Variants in SCAI observed in about 807,000 individuals in gnomAD.
The protein encoded by SCAI is suppressor of cancer cell invasion.
Under a neutral mutation model 92.2 loss-of-function variants are expected in SCAI, and 24 were observed. The observed-to-expected ratio is 0.26, with a 90% CI of 0.19 to 0.37. The LOEUF (loss-of-function observed/expected upper bound fraction) is 0.37, where lower values mean the gene tolerates loss of function less well. Ranked by LOEUF, SCAI falls within the 10% of genes least tolerant of loss-of-function variation. SCAI has a pLI of 1.00. For synonymous variants in SCAI, 261 were observed against 258.6 expected (o/e 1.01, Z -0.09); for missense variants, 450 against 736.2 (o/e 0.61, Z 4.50).
chr9:125,069,246 A>T (rs1304304843), intron 2 of SCAI, among the ~76,000 whole-genome samples: 1 of 151,974 alleles, frequency 6.6e-6, no homozygotes, highest in Non-Finnish European at 1.5e-5. Flanking sequence ...AAACAAAAAA[A>T]TTTATTCTGA....
At chr9:125,022,111 T>C (rs957393166) in intron 6 of SCAI, among the ~76,000 whole-genome samples, 7 of 152,168 alleles carry the variant, frequency 4.6e-5, no homozygotes, top group African/African-American at 1.7e-4. Flanking sequence ...ATTTCTTGTC[T>C]TGATATATAA....
intron 14 of SCAI, among the ~76,000 whole-genome samples, chr9:124,989,336 C>T (rs150960466): frequency 3.4e-4 from 51 of 152,224 alleles, no homozygotes; most frequent in African/African-American, 1.1e-3. Context: ...TGGTGGCTCA[C>T]GTCTGTAACC....
intron 2 of SCAI, among the ~76,000 whole-genome samples, chr9:125,083,022 A>C (rs1000322095): frequency 6.6e-6 from 1 of 152,192 alleles, no homozygotes; most frequent in Non-Finnish European, 1.5e-5. Context: ...CCAGGGGCAG[A>C]ATAAGGTTTG....
Position 125,056,397 on chromosome 9 carries a change from C to T in SCAI, c.99-390G>A, listed in dbSNP as rs900395864. On this transcript the variant is annotated intron_variant, in intron 2 of 17. Coordinates refer to ENST00000336505, the MANE Select transcript of SCAI (RefSeq NM_001144877.3). Reference sequence around the variant, plus strand: ...AGCAGAATTGCTTGACCCAGGGAGGCGGAGGTTGCAGTGAGCCGAGACGTG... The same window carrying T: ...AGCAGAATTGCTTGACCCAGGGAGGTGGAGGTTGCAGTGAGCCGAGACGTG... 7.2e-5 allele frequency among the ~76,000 whole-genome samples: 11 copies of T among 152,146 alleles called. No homozygotes were observed. The East Asian group carries it at 7.7e-4, about 11-fold the overall frequency.
At chr9:125,026,764 G>C in intron 6 of SCAI, 48 bp downstream of exon 6, 1 of 958,778 alleles carries the variant, frequency 1.0e-6, no homozygotes, top group Non-Finnish European at 1.6e-6. Flanking sequence ...CGAAGATTAA[G>C]ACTGAATGTT....
At chr9:125,031,478 T>C (rs1376593074) in intron 3 of SCAI, among the ~76,000 whole-genome samples, 1 of 151,802 alleles carries the variant, frequency 6.6e-6, no homozygotes, top group African/African-American at 2.4e-5. Context: ...CTCGATCTCC[T>C]GATCTCCTGA....
At chr9:125,093,752 G>A (rs1259049649) in intron 2 of SCAI, among the ~76,000 whole-genome samples, 3 of 151,932 alleles carry the variant, frequency 2.0e-5, no homozygotes, top group African/African-American at 4.8e-5. Context: ...TTTTACTAGA[G>A]ACAGGGTTTC....
intron 1 of SCAI, 67 bp from the exon 2 acceptor site, chr9:125,142,744 G>A: frequency 1.4e-6 from 2 of 1,431,890 alleles, no homozygotes; most frequent in Non-Finnish European, 2.0e-6. Flanking sequence ...CGGCGCTACC[G>A]TGCCAGTCAA....
chr9:125,021,208 A>G (rs2810463), intron 6 of SCAI, among the ~76,000 whole-genome samples: 95,283 of 152,080 alleles, frequency 0.63, 30,163 homozygotes, highest in Admixed American at 0.66. Context: ...AAAGAAAGTA[A>G]TAAATGTTTA....
At chr9:125,028,706 G>T (rs944769345) in intron 4 of SCAI, among the ~76,000 whole-genome samples, 2 of 148,852 alleles carry the variant, frequency 1.3e-5, no homozygotes, top group Admixed American at 1.5e-4. Flanking sequence ...ATATATTTTA[G>T]AATGAAACCA....
chr9:125,105,579 C>T (rs1052780205), intron 2 of SCAI, among the ~76,000 whole-genome samples: 2 of 152,166 alleles, frequency 1.3e-5, no homozygotes, highest in Non-Finnish European at 2.9e-5. Flanking sequence ...TAATTCTGTA[C>T]AGTGTATCTG....
At chr9:125,127,096 G>C (rs1026038027) in intron 2 of SCAI, among the ~76,000 whole-genome samples, 9 of 152,098 alleles carry the variant, frequency 5.9e-5, no homozygotes, top group Non-Finnish European at 1.2e-4. Flanking sequence ...TCCACAAAAA[G>C]GGAACCTGCA....
intron 3 of SCAI, 60 bp downstream of exon 3, chr9:125,055,816 G>C: frequency 6.9e-7 from 1 of 1,449,706 alleles, no homozygotes; most frequent in Non-Finnish European, 9.2e-7. Context: ...CCACACATCA[G>C]CCAGAAAAAA....
intron 2 of SCAI, among the ~76,000 whole-genome samples, chr9:125,108,178 G>A (rs1264355923): frequency 1.3e-5 from 2 of 152,362 alleles, no homozygotes; most frequent in South Asian, 2.1e-4. Flanking sequence ...ATCTCAGCTC[G>A]CTACAACCTC....
intron 2 of SCAI, among the ~76,000 whole-genome samples, chr9:125,066,557 A>G (rs1833875219): frequency 6.6e-6 from 1 of 151,516 alleles, no homozygotes; most frequent in African/African-American, 2.4e-5. Flanking sequence ...CCGGGTTCAC[A>G]CCATTCTCCT....
intron 2 of SCAI, among the ~76,000 whole-genome samples, chr9:125,128,257 T>TG (rs1295979301): frequency 6.6e-6 from 1 of 151,882 alleles, no homozygotes; most frequent in African/African-American, 2.4e-5. Flanking sequence ...TTCAAGGTGC[T>TG]GTAAGCTGTG....
chr9:125,071,325 G>C (rs996433670), intron 2 of SCAI, among the ~76,000 whole-genome samples: 1 of 152,166 alleles, frequency 6.6e-6, no homozygotes, highest in Non-Finnish European at 1.5e-5. Context: ...CTTGAGCCCA[G>C]GAGTTCTAGG....
At chr9:124,992,666 G>A (rs1182737758) in intron 14 of SCAI, among the ~76,000 whole-genome samples, 1 of 152,164 alleles carries the variant, frequency 6.6e-6, no homozygotes, top group East Asian at 1.9e-4. Flanking sequence ...TTACAGGCAT[G>A]AGCCACTGCA....
intron 2 of SCAI, among the ~76,000 whole-genome samples, chr9:125,128,112 C>A (rs1191778220): frequency 7.9e-5 from 12 of 151,934 alleles, no homozygotes; most frequent in Non-Finnish European, 1.6e-4. Flanking sequence ...CAGAAATTTG[C>A]AACCAGCCTG....
Sources: allele counts gnomAD v4.1 joint callset (sites outside exome capture counted in the v4.1 genomes callset), GRCh38; gene constraint gnomAD v4.1.1; transcripts MANE v1.5; gene names NCBI Gene and HGNC (gene_info 2026-07-23, HGNC 2026-07-21).